Variants in LRP4 observed in about 807,000 individuals in gnomAD.
LRP4 encodes LDL receptor related protein 4.
Under a neutral mutation model 220.3 loss-of-function variants are expected in LRP4, and 95 were observed. The ratio of observed to expected loss-of-function variants is 0.43; its 90% confidence interval spans 0.37 to 0.51. LRP4 has a LOEUF of 0.51. Among genes scored for constraint, LRP4 ranks in the 20% least tolerant of loss-of-function variants. The pLI, the probability that LRP4 is intolerant of heterozygous loss-of-function variation, is 0.00. For missense variants in LRP4, 1,925 were observed against 2,567.0 expected, an observed-to-expected ratio of 0.75 and a Z score of 5.40; for synonymous variants, 903 against 954.6, an observed-to-expected ratio of 0.95 and a Z score of 1.00.
intron 22 of LRP4, among the ~76,000 whole-genome samples, chr11:46,878,223 A>T (rs1328556282): frequency 6.6e-6 from 1 of 150,712 alleles, no homozygotes; most frequent in Non-Finnish European, 1.5e-5. Context: ...GACATTGTAG[A>T]TATCATACAT....
At chr11:46,917,244 C>T (rs1356950352) in intron 1 of LRP4, among the ~76,000 whole-genome samples, 1 of 152,218 alleles carries the variant, frequency 6.6e-6, no homozygotes, top group Admixed American at 6.5e-5. Context: ...GGTCTCCAGA[C>T]CCCTCCATTC....
intron 3 of LRP4, 133 bp from the exon 4 acceptor site, chr11:46,900,109 C>T: frequency 1.0e-6 from 1 of 964,722 alleles, no homozygotes; most frequent in Non-Finnish European, 1.7e-6. Context: ...GGCTGCCTCT[C>T]AGCAGCTTAT....
intron 37 of LRP4, chr11:46,860,827 CTTAA>C: frequency 3.9e-6 from 1 of 256,164 alleles, no homozygotes; most frequent in South Asian, 1.5e-4. Flanking sequence ...CACTCAATGT[CTTAA>C]TTAAGAGACA....
chr11:46,858,929 C>G lies in LRP4; in HGVS notation c.*54G>C. 6.5e-7 allele frequency: 1 copy of G among 1,547,502 alleles called. No individual in the cohort carries two copies. Among genetic ancestry groups the G allele is most frequent in the Non-Finnish European group, 8.9e-7 (1 of 1,121,250 alleles). ...CCTGCGGTGTAAGCGAGCACAAGGA[C>G]TAGACGTCCATAAAGGAGAAGGAAC... is the stretch of plus-strand genomic sequence containing the variant. On this transcript the variant is annotated 3_prime_UTR_variant, in exon 38 of 38. Transcript: ENST00000378623.
chr11:46,885,184 G>T (rs1941259086), intron 18 of LRP4, among the ~76,000 whole-genome samples: 1 of 152,112 alleles, frequency 6.6e-6, no homozygotes, highest in Non-Finnish European at 1.5e-5. Context: ...GTGTGTATGC[G>T]TGTGGGGGTC....
In LRP4 at chr11:46,858,971, G is replaced by C. The variant is rs763721993; in HGVS notation, c.*12C>G. On this transcript the variant is annotated 3_prime_UTR_variant, in exon 38 of 38. Transcript: ENST00000378623. ...AGAAGGAACAGGCAGGCAGGGAAGA[G>C]AATGTGGGCATTTAGACCTGGCTCT... 6.2e-7 allele frequency: 1 copy of C among 1,612,490 alleles called. No homozygotes were observed. The highest frequency in any genetic ancestry group is 1.1e-5 in the South Asian group (1 of 91,000).
chr11:46,910,036 A>G (rs1941830354), intron 1 of LRP4, among the ~76,000 whole-genome samples: 1 of 152,162 alleles, frequency 6.6e-6, no homozygotes, highest in South Asian at 2.1e-4. Flanking sequence ...GGCCAGCTTA[A>G]CTTGGTTGGT....
chr11:46,888,014 CAAAAAAAAAAAAAA>C (rs59369000), intron 16 of LRP4, among the ~76,000 whole-genome samples: 3 of 45,912 alleles, frequency 6.5e-5, no homozygotes, highest in South Asian at 2.1e-3. Context: ...GACCCTGTCT[CAAAAAAAAAAAAAA>C]AAAAAAAAAA....
chr11:46,909,309 G>C (rs184543622), intron 1 of LRP4, among the ~76,000 whole-genome samples: 1 of 151,518 alleles, frequency 6.6e-6, no homozygotes. Context: ...GGATTACAAT[G>C]AGAAAAGGAG....
chr11:46,881,751 G>T lies in LRP4; in HGVS notation c.2765C>A (p.Ala922Asp). 6.2e-7 allele frequency: 1 copy of T among 1,613,782 alleles called. No individual in the cohort carries two copies. Among genetic ancestry groups the T allele is most frequent in the Non-Finnish European group, 8.5e-7 (1 of 1,180,030 alleles). Residue 922 changes from alanine to aspartate, a missense_variant, in exon 20 of 38, where the codon GCC becomes GAC. By Grantham distance (126) the Ala-to-Asp change is moderately radical. This residue lies in a region of LRP4 where 1,244 missense variants were observed against 1,624.9 expected (regional missense o/e 0.77). Coordinates refer to ENST00000378623, the MANE Select transcript of LRP4 (RefSeq NM_002334.4). ...AGCAAATTCAATTGTCTTCATGCCG[G>T]CGTCAGCCCAGTATAGACGCTGGGA... ...YGSQRLYWADAGMKTIEFAGL... is the reference protein window; with the variant it reads ...YGSQRLYWADDGMKTIEFAGL...
rs184472353 is a variant in LRP4 at position 46,862,534 on chromosome 11, T to C, written c.5385+72A>G. On this transcript the variant is annotated intron_variant, in intron 37 of 37. Coordinates refer to ENST00000378623, the MANE Select transcript of LRP4 (RefSeq NM_002334.4). ...TACTCAGCAGCCGTTACTGACTTAT[T>C]TGGGCATTTGGAGTAAAATCCCTCC... is the stretch of plus-strand genomic sequence containing the variant. 117 of 1,464,062 alleles carry C rather than the reference T, an allele frequency of 8.0e-5. No homozygotes were observed. In the African/African-American group the frequency reaches 1.3e-3, roughly 16 times the overall value. The allele number at this position is 1,464,062 out of a possible 1,614,324, so 90.7% of individuals were successfully genotyped here.
intron 1 of LRP4, among the ~76,000 whole-genome samples, chr11:46,908,627 T>A (rs376837326): frequency 5.9e-5 from 9 of 152,342 alleles, no homozygotes; most frequent in African/African-American, 2.2e-4. Flanking sequence ...CCCTCTCTTT[T>A]ATGTGTTCTC....
Position 46,875,310 on chromosome 11 carries a change from A to G in LRP4, c.3925+146T>C, listed in dbSNP as rs1430056175. On this transcript the variant is annotated intron_variant, in intron 27 of 37. Transcript: ENST00000378623. The surrounding 1 kb of genome is among the most constrained non-coding windows in gnomAD (Gnocchi z 4.5). ...GTAGTACCAGCCATACCCAGAGAGAACACAGCCCAATCTGGAAGGGAGCTT... is the reference window on the plus strand; with the variant it reads ...GTAGTACCAGCCATACCCAGAGAGAGCACAGCCCAATCTGGAAGGGAGCTT... 2.2e-6 allele frequency: 2 copies of G among 898,980 alleles called. No individual in the cohort carries two copies. The highest frequency in any genetic ancestry group is 3.5e-6 in the Non-Finnish European group (2 of 568,174). 55.7% of individuals were successfully genotyped at this position (898,980 alleles called of 1,614,324 possible). A position where few individuals can be genotyped will look rare whatever the true frequency, so the allele number is the denominator to read the frequency against.
In LRP4 at chr11:46,894,732, T is replaced by C; in HGVS notation, c.1397A>G (p.Asn466Ser). 6.2e-7 allele frequency: 1 copy of C among 1,614,176 alleles called. No homozygotes were observed. Among genetic ancestry groups the C allele is most frequent in the Non-Finnish European group, 8.5e-7 (1 of 1,180,032 alleles). ...ATCAAGGGCAATGGCATTCTCCAGG[T>C]TGTTAAGCAGCAGTGTGTACTCAGA... ...HRSEYTLLLN[N>S]LENAIALDFH... Residue 466 changes from asparagine (N) to serine (S), a missense_variant, in exon 12 of 38, where the codon AAC becomes AGC. Physicochemically the swap from Asn to Ser is conservative, Grantham distance 46. Coordinates refer to ENST00000378623, the MANE Select transcript of LRP4 (RefSeq NM_002334.4).
Position 46,873,160 on chromosome 11 carries a change from A to T in LRP4, c.4523T>A (p.Val1508Asp). 6.2e-7 allele frequency: 1 copy of T among 1,614,100 alleles called. No homozygotes were observed. ...RANLDGSERK[V>D]LINTDLGWPN... Reference sequence around the variant, plus strand: ...CCAACCCAGGTCTGTGTTGATGAGGACCTTCCGCTCAGAACCATCCAAGTT... The same window carrying T: ...CCAACCCAGGTCTGTGTTGATGAGGTCCTTCCGCTCAGAACCATCCAAGTT... The change falls in exon 30 of 38, where the codon GTC (valine) becomes GAC (aspartate). Residue 1508 changes from valine to aspartate, a missense_variant. Physicochemically the swap from Val to Asp is radical, Grantham distance 152 (BLOSUM62 -3). Transcript: ENST00000378623. This position sits in a 1 kb window ranked among gnomAD's most constrained non-coding sequence, Gnocchi z 4.2.
At chr11:46,880,718 G>A (rs2134812289) in intron 20 of LRP4, among the ~76,000 whole-genome samples, 1 of 152,196 alleles carries the variant, frequency 6.6e-6, no homozygotes, top group East Asian at 1.9e-4. Flanking sequence ...AAGTGGGGTG[G>A]GAGGAGCTAT....
intron 1 of LRP4, among the ~76,000 whole-genome samples, chr11:46,907,785 G>A (rs1941785285): frequency 6.6e-6 from 1 of 152,190 alleles, no homozygotes; most frequent in Admixed American, 6.5e-5. Context: ...CCGCAATTTT[G>A]AGCAAGTTAG....
intron 12 of LRP4, 31 bp downstream of exon 12, chr11:46,894,558 C>T: frequency 6.6e-7 from 1 of 1,523,860 alleles, no homozygotes; most frequent in Non-Finnish European, 9.0e-7. Flanking sequence ...TGGCATGGCT[C>T]TGCCCCTCTC....
chr11:46,886,107 C>A lies in LRP4; in HGVS notation c.2490G>T (p.Leu830=). 1 of 1,614,136 alleles carries A rather than the reference C, an allele frequency of 6.2e-7. No individual in the cohort carries two copies. Among genetic ancestry groups the A allele is most frequent in the Non-Finnish European group, 8.5e-7 (1 of 1,180,024 alleles). The change falls in exon 18 of 38, where the codon CTG becomes CTT. Residue 830 remains leucine, a synonymous_variant. Transcript: ENST00000378623. ...TATGCATACCTGCATCTGTCCAGTA[C>A]AGTTTGTTGGTGACCCAATCAATGG... ...GLAIDWVTNK[L]YWTDAGTDRI... is the part of the protein sequence containing the mutation.
Sources: gnomAD v4.1 joint callset for allele counts (sites outside exome capture counted in the v4.1 genomes callset) on GRCh38, gnomAD v4.1.1 for gene constraint, gnomAD v4.1.1 regional missense constraint, Gnocchi (gnomAD v3.1) non-coding constraint, MANE v1.5 for transcripts, NCBI Gene and HGNC (gene_info 2026-07-23, HGNC 2026-07-21) for gene names.